The following RTEL1 variants were observed in gnomAD, a reference collection of about 807,000 sequenced individuals.
RTEL1 encodes regulator of telomere length.
In RTEL1, 86 loss-of-function variants were observed where a neutral mutation model predicts 162.2. The observed-to-expected ratio is 0.53, with a 90% CI of 0.45 to 0.63. RTEL1 has a LOEUF of 0.63. Among genes scored for constraint, RTEL1 ranks in the 30% least tolerant of loss-of-function variants. RTEL1 has a pLI of 0.00. For synonymous variants in RTEL1, 958 were observed against 717.9 expected (o/e 1.33, Z -5.35); for missense variants, 1,941 against 1,750.2 (o/e 1.11, Z -1.95).
chr20:63,682,595 G>A (rs144886104), intron 14 of RTEL1: 5 of 985,814 alleles, frequency 5.1e-6, no homozygotes, highest in Non-Finnish European at 6.0e-6. Flanking sequence ...GCCAGCCCTC[G>A]GGTGCCTGGA....
Position 63,668,750 on chromosome 20 carries a change from C to T in RTEL1, c.699+1197C>T, listed in dbSNP as rs1318978015. On this transcript the variant is annotated intron_variant, in intron 8 of 34. Coordinates refer to ENST00000360203, the MANE Select transcript of RTEL1 (RefSeq NM_001283009.2). The surrounding 1 kb of genome is among the most constrained non-coding windows in gnomAD (Gnocchi z 4.3). ...TGGAGAGCTTCTAACCCAACCAGGC[C>T]CCTCCCTGGGACAGTTATATCACAG... is the stretch of plus-strand genomic sequence containing the variant. Among the ~76,000 whole-genome samples, 2 of 152,120 alleles carry T rather than the reference C, an allele frequency of 1.3e-5. No homozygotes were observed.
Position 63,678,159 on chromosome 20 carries a change from C to T in RTEL1, c.934C>T (p.Leu312=), listed in dbSNP as rs376302975. 1 of 1,614,028 alleles carries T rather than the reference C, an allele frequency of 6.2e-7. No individual in the cohort carries two copies. Among genetic ancestry groups the T allele is most frequent in the South Asian group, 1.1e-5 (1 of 91,088 alleles). ...CTCTTGCCCAGGGCTGAACATGGAG[C>T]TGGAAGACATTGCAAAGCTGAAGAG... is the stretch of plus-strand genomic sequence containing the variant. The part of the protein sequence containing the change: ...DSPSPGLNME[L]EDIAKLKMIL... The change falls in exon 11 of 35, where the codon CTG becomes TTG. Residue 312 remains leucine (L), a synonymous_variant. Coordinates refer to ENST00000360203, the MANE Select transcript of RTEL1 (RefSeq NM_001283009.2).
intron 12 of RTEL1, among the ~76,000 whole-genome samples, chr20:63,678,614 A>G (rs1461239198): frequency 2.3e-5 from 3 of 132,898 alleles, no homozygotes; most frequent in Non-Finnish European, 4.7e-5. Context: ...CACGAACAGC[A>G]CACACACTCC....
At chr20:63,685,748 G>T in intron 15 of RTEL1, 43 bp from the exon 16 acceptor site, 2 of 1,601,138 alleles carry the variant, frequency 1.2e-6, no homozygotes, top group Non-Finnish European at 1.7e-6. Flanking sequence ...CTGCCCCCAG[G>T]ACATGGGCGG....
At chr20:63,662,403 C>T in intron 4 of RTEL1, 143 bp from the exon 5 acceptor site, 1 of 1,531,810 alleles carries the variant, frequency 6.5e-7, no homozygotes, top group Non-Finnish European at 8.9e-7. Flanking sequence ...TAGCTCCCTC[C>T]TACGCCCGGG....
At chr20:63,678,887 A>C (rs62207046) in intron 12 of RTEL1, among the ~76,000 whole-genome samples, 10,531 of 111,582 alleles carry the variant, frequency 0.094, 523 homozygotes, top group Middle Eastern at 0.23. Flanking sequence ...CAGCACACAC[A>C]CTCCCACAGA....
intron 28 of RTEL1, 111 bp from the exon 29 acceptor site, chr20:63,692,694 C>T: frequency 1.9e-6 from 2 of 1,070,166 alleles, no homozygotes; most frequent in South Asian, 2.9e-5. Flanking sequence ...GCAGCCCCAC[C>T]TCGGCAGTCA....
rs1447255712 is a variant in RTEL1 at position 63,661,419 on chromosome 20, G to A, written c.224G>A (p.Arg75Lys). The A allele has an allele frequency of 7.4e-6, 12 of 1,613,796 alleles. No homozygotes were observed. The highest frequency in any genetic ancestry group is 5.9e-6 in the Non-Finnish European group (7 of 1,180,028). Residue 75 changes from arginine (R) to lysine (K), a missense_variant, in exon 3 of 35, where the codon AGG (arginine) becomes AAG (lysine). Coordinates refer to ENST00000360203, the MANE Select transcript of RTEL1 (RefSeq NM_001283009.2). The surrounding 1 kb of genome is among the most constrained non-coding windows in gnomAD (Gnocchi z 5.1). ...DGISARKIAE[R>K]AQGELFPDRA... ...ATCTCTGCCCGCAAGATTGCCGAGAGGGCGCAAGGAGAGCTTTTCCCGGAT... is the reference window on the plus strand; with the variant it reads ...ATCTCTGCCCGCAAGATTGCCGAGAAGGCGCAAGGAGAGCTTTTCCCGGAT...
chr20:63,678,106 C>T lies in RTEL1; in HGVS notation c.920-39C>T, dbSNP rs558489023. The T allele has an allele frequency of 2.5e-5, 41 of 1,613,136 alleles. No individual in the cohort carries two copies. In the Admixed American group the frequency reaches 5.5e-4, roughly 22 times the overall value. ...TCAAGGGCGGGGTTGTTGGCACGAG[C>T]GTGATGCAGACTGCCTTTGCTGCCT... On this transcript the variant is annotated intron_variant, in intron 10 of 34. Transcript: ENST00000360203.
At chr20:63,682,478 T>C (rs552510036) in intron 14 of RTEL1, 4 of 982,120 alleles carry the variant, frequency 4.1e-6, no homozygotes, top group South Asian at 4.7e-5. Context: ...AGGCCCCCAC[T>C]TAAGGAGAAG....
chr20:63,692,873 G>A lies in RTEL1; in HGVS notation c.2721G>A (p.Leu907=), dbSNP rs763364387. 3.2e-5 allele frequency: 51 copies of A among 1,612,522 alleles called. No individual in the cohort carries two copies. In the East Asian group the frequency reaches 1.0e-3, roughly 33 times the overall value. Residue 907 remains leucine (L), a synonymous_variant, in exon 29 of 35, where the codon TTG becomes TTA. Coordinates refer to ENST00000360203, the MANE Select transcript of RTEL1 (RefSeq NM_001283009.2). ...KLFMVAVKQE[L]SQANFATFTQ... Reference sequence around the variant, plus strand: ...TCATGGTGGCCGTGAAGCAGGAGTTGAGCCAAGCCAACTTTGCCACCTTCA... The same window carrying A: ...TCATGGTGGCCGTGAAGCAGGAGTTAAGCCAAGCCAACTTTGCCACCTTCA...
rs2090176393 is a variant in RTEL1, at chr20:63,668,175, C to T, written c.699+622C>T. 6.6e-6 allele frequency among the ~76,000 whole-genome samples: 1 copy of T among 152,180 alleles called. No individual in the cohort carries two copies. Among genetic ancestry groups the T allele is most frequent in the Non-Finnish European group, 1.5e-5 (1 of 68,030 alleles). On this transcript the variant is annotated intron_variant, in intron 8 of 34. Coordinates refer to ENST00000360203, the MANE Select transcript of RTEL1 (RefSeq NM_001283009.2). The surrounding 1 kb of genome is among the most constrained non-coding windows in gnomAD (Gnocchi z 4.3). ...CCCCTCCTCCCAGTGTGTGCCCGGCCCTGCTGCCCTCCTCCCCATGTGCCC... is the reference window on the plus strand; with the variant it reads ...CCCCTCCTCCCAGTGTGTGCCCGGCTCTGCTGCCCTCCTCCCCATGTGCCC...
intron 10 of RTEL1, among the ~76,000 whole-genome samples, chr20:63,675,948 C>G (rs954589279): frequency 1.8e-4 from 28 of 152,244 alleles, no homozygotes; most frequent in African/African-American, 6.3e-4. Context: ...GCCTTCTCCA[C>G]TCTTCAGTTT....
Position 63,693,301 on chromosome 20 carries a change from T to A in RTEL1, c.2992+18T>A, listed in dbSNP as rs773890709. 16 of 1,610,972 alleles carry A rather than the reference T, an allele frequency of 9.9e-6. No homozygotes were observed. The East Asian group carries it at 1.8e-4, about 18-fold the overall frequency. ...CCCCACTGGTAAATGGGGCCCCAGGTGGGACCCTCAGACTCCTGCGTGGAA... is the reference window on the plus strand; with the variant it reads ...CCCCACTGGTAAATGGGGCCCCAGGAGGGACCCTCAGACTCCTGCGTGGAA... On this transcript the variant is annotated intron_variant, in intron 30 of 34. Coordinates refer to ENST00000360203, the MANE Select transcript of RTEL1 (RefSeq NM_001283009.2).
intron 28 of RTEL1, chr20:63,692,105 C>T (rs2090761086): frequency 6.9e-6 from 3 of 432,478 alleles, no homozygotes; most frequent in Non-Finnish European, 1.3e-5. Context: ...CCTGGCATTT[C>T]CCTCAAGTGT....
rs756579704 is a variant in RTEL1, at chr20:63,694,468, C to T, written c.3089C>T (p.Ser1030Leu). The T allele has an allele frequency of 5.1e-5, 81 of 1,601,806 alleles. No homozygotes were observed. In the South Asian group the frequency reaches 5.2e-4, roughly 10 times the overall value. Residue 1030 changes from serine (S) to leucine (L), a missense_variant, in exon 31 of 35, where the codon TCG becomes TTG. Transcript: ENST00000360203. The stretch of plus-strand genomic sequence containing the variant: ...CTGAACCAGGGCAGGCCCCACCTGT[C>T]GCCCAGGCCACCCCCAACAGGTAGC... The part of the protein sequence containing the change: ...EHLNQGRPHL[S>L]PRPPPTGDPG...
chr20:63,664,343 C>T (rs1320259459), intron 6 of RTEL1, among the ~76,000 whole-genome samples: 3 of 152,190 alleles, frequency 2.0e-5, no homozygotes, highest in Non-Finnish European at 4.4e-5. Context: ...TAGCATGGAA[C>T]GCTGAGCATG....
intron 26 of RTEL1, 93 bp from the exon 27 acceptor site, chr20:63,690,712 C>G (rs2090718127): frequency 2.1e-6 from 3 of 1,411,904 alleles, no homozygotes; most frequent in Middle Eastern, 2.6e-4. Context: ...ACCCCAAGTG[C>G]TGGGACTCTC....
At chr20:63,671,227 A>ATTTTTTTTTTT (rs1248794429) in intron 8 of RTEL1, among the ~76,000 whole-genome samples, 1 of 151,278 alleles carries the variant, frequency 6.6e-6, no homozygotes, top group East Asian at 2.0e-4. Context: ...CACCCGGCTA[A>ATTTTTTTTTTT]TTTTTGTATT....
Sources: gnomAD v4.1 joint callset for allele counts (sites outside exome capture counted in the v4.1 genomes callset) on GRCh38, gnomAD v4.1.1 for gene constraint, Gnocchi (gnomAD v3.1) non-coding constraint, MANE v1.5 for transcripts, NCBI Gene and HGNC (gene_info 2026-07-23, HGNC 2026-07-21) for gene names.